The following BRWD1 variants were observed in gnomAD, a reference collection of about 807,000 sequenced individuals.
BRWD1 encodes the protein bromodomain and WD repeat-containing protein 1.
BRWD1 carries 82 observed loss-of-function variants against 251.2 expected under a neutral mutation model. That is an observed-to-expected ratio of 0.33 (90% CI 0.27 to 0.39). BRWD1 has a LOEUF of 0.39. Among genes scored for constraint, BRWD1 ranks in the 10% least tolerant of loss-of-function variants. BRWD1 has a pLI of 1.00. For missense variants in BRWD1, 2,233 were observed against 2,711.6 expected, an observed-to-expected ratio of 0.82 and a Z score of 3.92; for synonymous variants, 918 against 902.8, an observed-to-expected ratio of 1.02 and a Z score of -0.30.
At chr21:39,262,417 C>T (rs2034782240) in intron 17 of BRWD1, among the ~76,000 whole-genome samples, 1 of 152,192 alleles carries the variant, frequency 6.6e-6, no homozygotes, top group Non-Finnish European at 1.5e-5. Flanking sequence ...AAGCCAGACA[C>T]AAAAGATTAC....
downstream of BRWD1, chr21:39,185,294 C>CAAAAAAAAAAAAA (rs2031152435): frequency 1.0e-4 from 1 of 9,846 alleles, no homozygotes; most frequent in Non-Finnish European, 2.0e-4. Context: ...ACTGAAATTG[C>CAAAAAAAAAAAAA]TAAAAAAAAA....
At chr21:39,299,010 G>C (rs1341869252) in intron 4 of BRWD1, among the ~76,000 whole-genome samples, 2 of 152,122 alleles carry the variant, frequency 1.3e-5, no homozygotes, top group African/African-American at 4.8e-5. Context: ...GATCACTTGA[G>C]ATCAGGAGTT....
At chr21:39,307,268 G>C (rs1001563931) in intron 4 of BRWD1, among the ~76,000 whole-genome samples, 33 of 151,936 alleles carry the variant, frequency 2.2e-4, no homozygotes, top group Admixed American at 1.9e-3. Flanking sequence ...ACCTCAGCAG[G>C]GTTAACTTAG....
rs117885878 is a variant in BRWD1 at position 39,187,674 on chromosome 21, C to T, written c.*8585G>A. The T allele has an allele frequency of 0.034, 33,308 of 985,184 alleles. 606 individuals are homozygous for T. Among genetic ancestry groups the T allele is most frequent in the Non-Finnish European group, 0.037 (30,670 of 829,772 alleles). 61.0% of individuals were successfully genotyped at this position (985,184 alleles called of 1,614,324 possible). ...ATGGGGTGAAAAGTTCCTTCAGCAT[C>T]GGCATCATAAAGCTGCTAATCTAAA... On this transcript the variant is annotated 3_prime_UTR_variant, in exon 41 of 41. Transcript: ENST00000342449.
upstream of BRWD1, among the ~76,000 whole-genome samples, chr21:39,315,165 T>G (rs1161082371): frequency 6.6e-6 from 1 of 151,850 alleles, no homozygotes; most frequent in Non-Finnish European, 1.5e-5. Flanking sequence ...TCCGGCTAAT[T>G]TTTATATTTT....
At chr21:39,274,283 AC>A in intron 13 of BRWD1, 90 bp downstream of exon 13, 1 of 1,025,566 alleles carries the variant, frequency 9.8e-7, no homozygotes. Context: ...CAACAAAATA[AC>A]CACTGAGAGA....
chr21:39,214,570 G>A (rs928057858), intron 32 of BRWD1, among the ~76,000 whole-genome samples: 3 of 151,998 alleles, frequency 2.0e-5, no homozygotes, highest in African/African-American at 4.8e-5. Context: ...ATAAAAGGGT[G>A]TAAAAACTAG....
upstream of BRWD1, among the ~76,000 whole-genome samples, chr21:39,315,452 G>A (rs1042542680): frequency 2.0e-5 from 3 of 152,086 alleles, no homozygotes; most frequent in East Asian, 3.9e-4. Context: ...GGCCAACATA[G>A]TGAAACCCCC....
rs947832833 is a variant in BRWD1 at position 39,199,451 on chromosome 21, G to A, written c.4965C>T (p.Val1655=). 2.5e-6 allele frequency: 4 copies of A among 1,614,098 alleles called. No homozygotes were observed. In the African/African-American group the frequency reaches 4.0e-5, roughly 16 times the overall value. The change falls in exon 40 of 41, where the codon GTC becomes GTT. Residue 1655 remains valine, a synonymous_variant. Transcript: ENST00000342449. The part of the protein sequence containing the change: ...DVEENSSSES[V]CSGRKLPHRN... ...GGTGAGGCAGCTTCCGACCAGAACA[G>A]ACACTTTCAGAGCTAGAATTCTCTT...
intron 15 of BRWD1, among the ~76,000 whole-genome samples, chr21:39,266,835 A>C (rs1453384725): frequency 6.6e-6 from 1 of 152,236 alleles, no homozygotes; most frequent in East Asian, 1.9e-4. Context: ...CAGTAAGGAA[A>C]TGTCAGTAAA....
intron 23 of BRWD1, among the ~76,000 whole-genome samples, chr21:39,234,991 GT>G (rs1257630180): frequency 4.6e-5 from 7 of 152,314 alleles, no homozygotes. Context: ...TGGGTCACCT[GT>G]AATCCCAGCA....
At chr21:39,274,225 T>C (rs1056125786) in intron 13 of BRWD1, 149 bp downstream of exon 13, 33 of 626,716 alleles carry the variant, frequency 5.3e-5, no homozygotes, top group East Asian at 1.7e-4. Flanking sequence ...TACGCAGCTA[T>C]TCACTTATAC....
Position 39,193,584 on chromosome 21 carries a change from T to G in BRWD1, c.*2675A>C, listed in dbSNP as rs2031662965. 3.0e-6 allele frequency: 3 copies of G among 985,476 alleles called. No homozygotes were observed. Among genetic ancestry groups the G allele is most frequent in the Non-Finnish European group, 2.4e-6 (2 of 829,742 alleles). The allele number at this position is 985,476 out of a possible 1,614,324, so 61.0% of individuals were successfully genotyped here. A position where few individuals can be genotyped will look rare whatever the true frequency, so the allele number is the denominator to read the frequency against. ...ATAAATGAATAAAACCATAGGACTT[T>G]GGACATACACAACCAAAGTAGTTTT... is the stretch of plus-strand genomic sequence containing the variant. On this transcript the variant is annotated 3_prime_UTR_variant, in exon 41 of 41. Coordinates refer to ENST00000342449, the MANE Select transcript of BRWD1 (RefSeq NM_033656.4).
At position 39,195,638 on chromosome 21, in the gene BRWD1, T is replaced by C. The variant is rs957585848; in HGVS notation, c.*621A>G. ...AACATAAAAGTGACAACGTTTTCCT[T>C]AAGAAGAAAAAAACCCAACAGCACT... is the stretch of plus-strand genomic sequence containing the variant. On this transcript the variant is annotated 3_prime_UTR_variant, in exon 41 of 41. Transcript: ENST00000342449. 3 of 984,698 alleles carry C rather than the reference T, an allele frequency of 3.0e-6. No homozygotes were observed. Among genetic ancestry groups the C allele is most frequent in the Non-Finnish European group, 2.4e-6 (2 of 829,150 alleles). 61.0% of individuals were successfully genotyped at this position (984,698 alleles called of 1,614,324 possible). A position where few individuals can be genotyped will look rare whatever the true frequency, so the allele number is the denominator to read the frequency against.
At chr21:39,202,632 C>T (rs2032169712) in intron 37 of BRWD1, 87 bp from the exon 38 acceptor site, 3 of 829,964 alleles carry the variant, frequency 3.6e-6, no homozygotes, top group South Asian at 2.0e-5. Context: ...AGAAGTATAT[C>T]ATATTTCTTA....
intron 31 of BRWD1, among the ~76,000 whole-genome samples, chr21:39,216,367 AT>A (rs146064763): frequency 0.019 from 2,872 of 152,212 alleles, 81 homozygotes; most frequent in African/African-American, 0.066. Context: ...AAGAAAAAAA[AT>A]AAAGTTATCT....
upstream of BRWD1, chr21:39,314,206 C>T (rs2036638654): frequency 4.4e-6 from 2 of 455,874 alleles, no homozygotes. Context: ...AGGGGAACGC[C>T]GCCCGGACCC....
Position 39,196,542 on chromosome 21 carries a change from G to A in BRWD1, c.6527C>T (p.Thr2176Ile), listed in dbSNP as rs753301336. 1 of 1,613,208 alleles carries A rather than the reference G, an allele frequency of 6.2e-7. No individual in the cohort carries two copies. Among genetic ancestry groups the A allele is most frequent in the Non-Finnish European group, 8.5e-7 (1 of 1,179,728 alleles). ...TTTTCCTTTCGTTTTCCTCCTTTTGGTTTTTGTATTATCAGTACAGTCAAT... is the reference window on the plus strand; with the variant it reads ...TTTTCCTTTCGTTTTCCTCCTTTTGATTTTTGTATTATCAGTACAGTCAAT... ...SDIDCTDNTKTKRRKTKGKAK... is the reference protein window; with the variant it reads ...SDIDCTDNTKIKRRKTKGKAK... Residue 2176 changes from threonine to isoleucine, a missense_variant, in exon 41 of 41, where the codon ACC becomes ATC. Physicochemically the swap from Thr to Ile is moderately conservative, Grantham distance 89. Coordinates refer to ENST00000342449, the MANE Select transcript of BRWD1 (RefSeq NM_033656.4).
chr21:39,224,598 G>T, intron 28 of BRWD1, 129 bp from the exon 29 acceptor site: 1 of 588,208 alleles, frequency 1.7e-6, no homozygotes, highest in Non-Finnish European at 3.0e-6. Context: ...AATATTAACA[G>T]TAAATTTTTT....
Sources: gnomAD v4.1 joint callset for allele counts (sites outside exome capture counted in the v4.1 genomes callset) on GRCh38, gnomAD v4.1.1 for gene constraint, MANE v1.5 for transcripts, NCBI Gene and HGNC (gene_info 2026-07-23, HGNC 2026-07-21) for gene names.